Variants in PRELID2 observed in about 807,000 individuals in gnomAD.
PRELID2 encodes the protein PRELI domain containing 2, also known as PRELI domain-containing protein 2.
Under a neutral mutation model 28.4 loss-of-function variants are expected in PRELID2, and 25 were observed. The ratio of observed to expected loss-of-function variants is 0.88; its 90% CI spans 0.64 to 1.23. The LOEUF (loss-of-function observed/expected upper bound fraction) is 1.23. PRELID2 is among the 50% of genes most tolerant of loss of function. The probability of loss-of-function intolerance (pLI) is 0.00; values close to 1 mark genes in which losing one functional copy is unlikely to be tolerated. For missense variants in PRELID2, 201 were observed against 214.4 expected (o/e 0.94, Z 0.39); for synonymous variants, 76 against 71.6 (o/e 1.06, Z -0.31).
At chr5:145,819,903 A>G in intron 3 of PRELID2, 42 bp downstream of exon 3, 1 of 1,189,220 alleles carries the variant, frequency 8.4e-7, no homozygotes, top group Non-Finnish European at 1.2e-6. Flanking sequence ...ATTAAAAATT[A>G]CTCAATGTTA....
At chr5:145,239,009 CA>C in the PRELID2 span, among the ~76,000 whole-genome samples, 2 of 152,054 alleles carry the variant, frequency 1.3e-5, no homozygotes, top group Admixed American at 1.3e-4. Flanking sequence ...ATCTAACACA[CA>C]CACATTAATG....
intron 1 of PRELID2, among the ~76,000 whole-genome samples, chr5:145,607,756 G>A (rs1026397608): frequency 1.3e-5 from 2 of 151,986 alleles, no homozygotes; most frequent in Admixed American, 1.3e-4. Context: ...TGTCTGTTAG[G>A]CCTATTTGGT....
At chr5:145,372,563 G>T in the PRELID2 span, among the ~76,000 whole-genome samples, 29 of 151,944 alleles carry the variant, frequency 1.9e-4, no homozygotes, top group African/African-American at 7.0e-4. Context: ...AGAATAATTA[G>T]CTCTTCTTGG....
At chr5:145,620,106 A>G (rs1753753554) in intron 1 of PRELID2, among the ~76,000 whole-genome samples, 2 of 152,238 alleles carry the variant, frequency 1.3e-5, no homozygotes, top group African/African-American at 4.8e-5. Context: ...AGCCATGTGC[A>G]TATGTAAACC....
At chr5:145,296,026 G>C in the PRELID2 span, among the ~76,000 whole-genome samples, 1,946 of 152,080 alleles carry the variant, frequency 0.013, 34 homozygotes, top group Admixed American at 0.041. Context: ...ATAGGGAAGT[G>C]AGATTAATTG....
In PRELID2 at chr5:145,597,485, ACAATT is replaced by A. The variant is rs201659876; in HGVS notation, n.71-124175_71-124171del. On this transcript the variant is annotated intron_variant and non_coding_transcript_variant, in intron 1 of 2. Transcript: ENST00000510259. ...ACAGAGTAGAAAAAATTAGTTCAGA[ACAATT>A]TAAAATTCGAGATAAATGAGTATTG... Among the ~76,000 whole-genome samples the A allele has an allele frequency of 5.2e-4, 79 of 152,320 alleles. No homozygotes were observed. The East Asian group carries it at 0.013, about 25-fold the overall frequency.
the PRELID2 span, among the ~76,000 whole-genome samples, chr5:145,351,759 C>A: frequency 6.6e-6 from 1 of 152,092 alleles, no homozygotes; most frequent in Non-Finnish European, 1.5e-5. Context: ...AAATTGAAAG[C>A]AAGTTAGTTA....
the PRELID2 span, among the ~76,000 whole-genome samples, chr5:145,388,855 T>G: frequency 1.3e-5 from 2 of 152,166 alleles, no homozygotes; most frequent in Non-Finnish European, 2.9e-5. Flanking sequence ...CATCATGATT[T>G]TTCCGTCAAT....
chr5:145,404,221 T>A, the PRELID2 span, among the ~76,000 whole-genome samples: 2 of 152,172 alleles, frequency 1.3e-5, no homozygotes, highest in African/African-American at 2.4e-5. Context: ...TGAAAATGTA[T>A]GATATATTGG....
At chr5:145,723,180 A>C (rs992666601) in intron 1 of PRELID2, among the ~76,000 whole-genome samples, 7 of 152,232 alleles carry the variant, frequency 4.6e-5, no homozygotes, top group African/African-American at 1.7e-4. Flanking sequence ...ATACTGTGAA[A>C]ATAATACATA....
chr5:145,387,829 G>A, the PRELID2 span, among the ~76,000 whole-genome samples: 3 of 151,958 alleles, frequency 2.0e-5, no homozygotes, highest in African/African-American at 7.2e-5. Context: ...CTATTCTGGA[G>A]GCTGAGGTGG....
intron 1 of PRELID2, among the ~76,000 whole-genome samples, chr5:145,716,549 A>T (rs1755849250): frequency 6.6e-6 from 1 of 152,198 alleles, no homozygotes; most frequent in Non-Finnish European, 1.5e-5. Flanking sequence ...TTTTGAAAAC[A>T]TAAAAAGGCA....
chr5:145,820,786 G>C (rs1178067776), intron 2 of PRELID2, among the ~76,000 whole-genome samples: 1 of 152,146 alleles, frequency 6.6e-6, no homozygotes, highest in Non-Finnish European at 1.5e-5. Flanking sequence ...AAAAGAATAG[G>C]AAATGGCTAT....
At chr5:145,688,530 C>A (rs1179926371) in intron 1 of PRELID2, among the ~76,000 whole-genome samples, 3 of 152,156 alleles carry the variant, frequency 2.0e-5, no homozygotes, top group Non-Finnish European at 4.4e-5. Context: ...CATCAGAAAG[C>A]AAGTACAGCA....
intron 1 of PRELID2, among the ~76,000 whole-genome samples, chr5:145,513,343 C>T (rs559765290): frequency 2.6e-5 from 4 of 151,680 alleles, no homozygotes; most frequent in South Asian, 4.2e-4. Context: ...GTGAAGCATA[C>T]ACAAGTATCA....
chr5:145,492,029 C>T (rs998162281), intron 1 of PRELID2, among the ~76,000 whole-genome samples: 9 of 152,122 alleles, frequency 5.9e-5, no homozygotes, highest in Admixed American at 3.3e-4. Context: ...ATTTGACATA[C>T]TGATTTCCCT....
the PRELID2 span, among the ~76,000 whole-genome samples, chr5:145,371,148 A>G: frequency 6.6e-6 from 1 of 152,090 alleles, no homozygotes; most frequent in Non-Finnish European, 1.5e-5. Context: ...TTCCAATACT[A>G]TATTGAATAG....
intron 1 of PRELID2, among the ~76,000 whole-genome samples, chr5:145,592,044 A>G (rs572773477): frequency 1.3e-3 from 199 of 152,308 alleles, no homozygotes; most frequent in Admixed American, 3.7e-3. Context: ...AGCTGGCTCA[A>G]GACTAGCTCA....
the PRELID2 span, among the ~76,000 whole-genome samples, chr5:145,414,725 A>G: frequency 2.0e-5 from 3 of 152,224 alleles, no homozygotes; most frequent in African/African-American, 4.8e-5. Flanking sequence ...CTTTTGCTGA[A>G]TTAATTCTCT....
Sources: gnomAD v4.1 joint callset for allele counts (sites outside exome capture counted in the v4.1 genomes callset) on GRCh38, gnomAD v4.1.1 for gene constraint, MANE v1.5 for transcripts, NCBI Gene and HGNC (gene_info 2026-07-23, HGNC 2026-07-21) for gene names.